GLRA1: variants seen among roughly 807,000 people sequenced by gnomAD.
GLRA1 encodes the protein glycine receptor alpha 1.
GLRA1 carries 37 observed loss-of-function variants against 48.3 expected under a neutral mutation model. That is an observed-to-expected ratio of 0.77 (90% CI 0.59 to 1.01). The LOEUF is 1.01. Ranked by LOEUF, GLRA1 falls within the 50% of genes least tolerant of loss-of-function variation. GLRA1 has a pLI of 0.00. For synonymous variants in GLRA1, 196 were observed against 210.7 expected (o/e 0.93, Z 0.60); for missense variants, 427 against 571.0 (o/e 0.75, Z 2.57).
At chr5:151,924,219 A>G (rs1446823384) in intron 1 of GLRA1, among the ~76,000 whole-genome samples, 1 of 151,964 alleles carries the variant, frequency 6.6e-6, no homozygotes, top group Admixed American at 6.6e-5. Flanking sequence ...TGTAGCAGAC[A>G]GAAGGACAAA....
At chr5:151,842,883 A>C (rs1304881205) in intron 7 of GLRA1, among the ~76,000 whole-genome samples, 2 of 152,262 alleles carry the variant, frequency 1.3e-5, no homozygotes, top group East Asian at 3.8e-4. Context: ...TTAATAAATG[A>C]GTTCAGGAAA....
intron 7 of GLRA1, among the ~76,000 whole-genome samples, chr5:151,839,178 C>T (rs941837378): frequency 1.8e-4 from 27 of 152,272 alleles, no homozygotes; most frequent in African/African-American, 6.5e-4. Context: ...ATGAAAAATA[C>T]ATTTTTAGGT....
intron 3 of GLRA1, among the ~76,000 whole-genome samples, chr5:151,882,049 CTG>C (rs142930226): frequency 2.0e-5 from 3 of 151,676 alleles, no homozygotes; most frequent in Non-Finnish European, 4.4e-5. Flanking sequence ...CACTAATTAG[CTG>C]TGTGTGTGTG....
rs371496582 is a variant in GLRA1 at position 151,859,828 on chromosome 5, A to G, written c.433T>C (p.Leu145=). Residue 145 remains leucine (L), a synonymous_variant, in exon 4 of 9, where the codon TTG becomes CTG. Coordinates refer to ENST00000274576, the MANE Select transcript of GLRA1 (RefSeq NM_000171.4). The part of the protein sequence containing the change: ...HFHEITTDNK[L]LRISRNGNVL... The stretch of plus-strand genomic sequence containing the variant: ...TTCCCATTCCGGGAGATCCTTAGCA[A>G]TTTGTTGTCTGTGGTGATCTCATGG... 108 of 1,613,818 alleles carry G rather than the reference A, an allele frequency of 6.7e-5. 1 individual carries two copies. The highest frequency in any genetic ancestry group is 8.0e-5 in the Non-Finnish European group (94 of 1,179,942).
At chr5:151,836,483 G>A (rs1215920114) in intron 7 of GLRA1, among the ~76,000 whole-genome samples, 2 of 152,080 alleles carry the variant, frequency 1.3e-5, no homozygotes, top group African/African-American at 4.8e-5. Flanking sequence ...AACCAAAAAA[G>A]AGCCCACATA....
intron 1 of GLRA1, among the ~76,000 whole-genome samples, chr5:151,904,577 T>G (rs1754433534): frequency 6.6e-6 from 1 of 152,212 alleles, no homozygotes; most frequent in Admixed American, 6.5e-5. Context: ...ACTTGTTTTT[T>G]GGCTGAAAAA....
chr5:151,909,906 T>G (rs1754567223), intron 1 of GLRA1, among the ~76,000 whole-genome samples: 1 of 152,186 alleles, frequency 6.6e-6, no homozygotes, highest in Admixed American at 6.5e-5. Flanking sequence ...CTTTTTTTTT[T>G]TGTCATGAGT....
At chr5:151,924,374 G>C in intron 1 of GLRA1, 120 bp downstream of exon 1, 1 of 776,074 alleles carries the variant, frequency 1.3e-6, no homozygotes, top group Non-Finnish European at 2.4e-6. Context: ...GGAAGGACCC[G>C]ATTGCAGTGG....
At chr5:151,850,715 C>G (rs1315266524) in intron 7 of GLRA1, 3 of 1,132,956 alleles carry the variant, frequency 2.6e-6, no homozygotes, top group Non-Finnish European at 4.0e-6. Flanking sequence ...CACTGCGAAC[C>G]CTTTTCGGTG....
chr5:151,824,517 T>G (rs188762980), intron 8 of GLRA1, among the ~76,000 whole-genome samples: 1 of 152,328 alleles, frequency 6.6e-6, no homozygotes, highest in East Asian at 1.9e-4. Context: ...TATGCTTTAG[T>G]CACTGAAATA....
chr5:151,848,861 T>C (rs1229823797), intron 7 of GLRA1: 2 of 604,302 alleles, frequency 3.3e-6, no homozygotes, highest in Non-Finnish European at 6.3e-6. Flanking sequence ...GCCCGCCTGC[T>C]CAGCGCCCAG....
intron 1 of GLRA1, among the ~76,000 whole-genome samples, chr5:151,901,455 A>G (rs889832639): frequency 6.6e-6 from 1 of 152,202 alleles, no homozygotes; most frequent in Non-Finnish European, 1.5e-5. Context: ...TATGGGGTTT[A>G]CTCTGACTGA....
chr5:151,892,533 G>A lies in GLRA1; in HGVS notation c.57-95C>T, dbSNP rs534096362. On this transcript the variant is annotated intron_variant, in intron 1 of 8. Transcript: ENST00000274576. Reference sequence around the variant, plus strand: ...TTGTCCAACCTCTGTAGAACCACAAGAGTGTTCTTAGCTGGAGTAATATGG... The same window carrying A: ...TTGTCCAACCTCTGTAGAACCACAAAAGTGTTCTTAGCTGGAGTAATATGG... 4.3e-4 allele frequency: 582 copies of A among 1,348,306 alleles called. 5 individuals carry two copies. In the Middle Eastern group the frequency reaches 8.4e-3, roughly 19 times the overall value. The allele number at this position is 1,348,306 out of a possible 1,614,324, so 83.5% of individuals were successfully genotyped here. A position where few individuals can be genotyped will look rare whatever the true frequency, so the allele number is the denominator to read the frequency against.
chr5:151,880,047 A>T (rs1327623148), intron 3 of GLRA1, among the ~76,000 whole-genome samples: 1 of 152,142 alleles, frequency 6.6e-6, no homozygotes, highest in Non-Finnish European at 1.5e-5. Flanking sequence ...TCCACGTAAG[A>T]TGTGACTTGC....
chr5:151,860,834 G>A (rs148569643), intron 3 of GLRA1, among the ~76,000 whole-genome samples: 7,230 of 152,106 alleles, frequency 0.048, 601 homozygotes, highest in African/African-American at 0.16. Context: ...CCATTAACTC[G>A]TCATTTACAT....
chr5:151,837,561 C>G (rs1223172530), intron 7 of GLRA1, among the ~76,000 whole-genome samples: 1 of 152,238 alleles, frequency 6.6e-6, no homozygotes, highest in African/African-American at 2.4e-5. Context: ...TGGAACCAAC[C>G]CAAATGGCCA....
chr5:151,921,927 C>T (rs1268187065), intron 1 of GLRA1, among the ~76,000 whole-genome samples: 2 of 152,308 alleles, frequency 1.3e-5, no homozygotes, highest in East Asian at 3.9e-4. Context: ...TTCCAGGACC[C>T]CATGTTTCCC....
chr5:151,897,392 A>C (rs1754250402), intron 1 of GLRA1, among the ~76,000 whole-genome samples: 3 of 152,166 alleles, frequency 2.0e-5, no homozygotes, highest in Non-Finnish European at 4.4e-5. Context: ...AATGAATCTG[A>C]GAAATGAAAC....
At chr5:151,906,371 GC>G (rs1434640126) in intron 1 of GLRA1, among the ~76,000 whole-genome samples, 1 of 152,236 alleles carries the variant, frequency 6.6e-6, no homozygotes, top group Non-Finnish European at 1.5e-5. Context: ...AGTCAGGAAT[GC>G]AGGAAATACC....
Sources: allele counts gnomAD v4.1 joint callset (sites outside exome capture counted in the v4.1 genomes callset), GRCh38; gene constraint gnomAD v4.1.1; transcripts MANE v1.5; gene names NCBI Gene and HGNC (gene_info 2026-07-23, HGNC 2026-07-21).